Variants in NME7 observed in about 807,000 individuals in gnomAD.
The protein encoded by NME7 is nucleoside diphosphate kinase 7.
Under a neutral mutation model 49.1 loss-of-function variants are expected in NME7, and 41 were observed. That is an observed-to-expected ratio of 0.83 (90% confidence interval 0.65 to 1.08). The LOEUF (loss-of-function observed/expected upper bound fraction) is 1.08. Among genes scored for constraint, NME7 ranks in the 50% least tolerant of loss-of-function variants. NME7 has a pLI of 0.00. For missense variants in NME7, 423 were observed against 463.4 expected (o/e 0.91, Z 0.80); for synonymous variants, 139 against 150.6 (o/e 0.92, Z 0.56).
chr1:169,246,274 C>A (rs1194062342), intron 7 of NME7, among the ~76,000 whole-genome samples: 1 of 152,084 alleles, frequency 6.6e-6, no homozygotes, highest in African/African-American at 2.4e-5. Flanking sequence ...CAACTGCAAT[C>A]CAGCCTGGGT....
chr1:169,186,210 T>C (rs2101755388), intron 10 of NME7, among the ~76,000 whole-genome samples: 1 of 152,238 alleles, frequency 6.6e-6, no homozygotes, highest in South Asian at 2.1e-4. Flanking sequence ...TCTCTAATTG[T>C]TGCTTTTAAA....
chr1:169,143,157 C>T (rs10081959), intron 11 of NME7, among the ~76,000 whole-genome samples: 67,360 of 151,654 alleles, frequency 0.44, 15,387 homozygotes, highest in East Asian at 0.79. Context: ...ATTATGTCAA[C>T]GCCCATTCCC....
rs1441315518 is a variant in NME7, at chr1:169,275,779, T to A, written c.754+11524A>T. Among the ~76,000 whole-genome samples, 4 of 133,548 alleles carry A rather than the reference T, an allele frequency of 3.0e-5. 1 individual carries two copies. Among genetic ancestry groups the A allele is most frequent in the Non-Finnish European group, 7.0e-5 (4 of 56,954 alleles). The allele number at this position is 133,548 out of a possible 152,430, so 87.6% of individuals were successfully genotyped here. ...GTCCTGTGCCAGTTTTCAAATGGAA[T>A]GCTTCCAGTTTTTGCCCATTCAGTG... On this transcript the variant is annotated intron_variant, in intron 7 of 11. Transcript: ENST00000367811.
chr1:169,206,165 C>T lies in NME7; in HGVS notation c.990+24553G>A, dbSNP rs111988672. Reference sequence around the variant, plus strand: ...TATTATATATTTTACTTATTTATTCCGCTCCTGATCTGTTTCCCCCCAACT... The same window carrying T: ...TATTATATATTTTACTTATTTATTCTGCTCCTGATCTGTTTCCCCCCAACT... On this transcript the variant is annotated intron_variant, in intron 10 of 11. Coordinates refer to ENST00000367811, the MANE Select transcript of NME7 (RefSeq NM_013330.5). Among the ~76,000 whole-genome samples the T allele has an allele frequency of 5.5e-3, 840 of 152,138 alleles. 8 individuals are homozygous for T. The highest frequency in any genetic ancestry group is 0.019 in the African/African-American group (802 of 41,516).
chr1:169,312,485 T>C (rs1651435005), intron 3 of NME7, among the ~76,000 whole-genome samples: 1 of 152,222 alleles, frequency 6.6e-6, no homozygotes, highest in Non-Finnish European at 1.5e-5. Flanking sequence ...CAGCGTGAGA[T>C]ATTCTCAAAA....
chr1:169,266,371 C>T lies in NME7; in HGVS notation c.754+20932G>A, dbSNP rs546734043. Among the ~76,000 whole-genome samples the T allele has an allele frequency of 1.1e-3, 149 of 131,946 alleles. 34 individuals carry two copies. The highest frequency in any genetic ancestry group is 2.4e-3 in the Non-Finnish European group (134 of 55,898). The allele number at this position is 131,946 out of a possible 152,430, so 86.6% of individuals were successfully genotyped here. A position where few individuals can be genotyped will look rare whatever the true frequency, so the allele number is the denominator to read the frequency against. Reference sequence around the variant, plus strand: ...GAACTAAAGACAGGAACCACAGATGCAGAAAAAGCCTTTGATAAAATTCAG... The same window carrying T: ...GAACTAAAGACAGGAACCACAGATGTAGAAAAAGCCTTTGATAAAATTCAG... On this transcript the variant is annotated intron_variant, in intron 7 of 11. Transcript: ENST00000367811.
At chr1:169,303,227 A>C in intron 4 of NME7, 32 bp from the exon 5 acceptor site, 1 of 1,173,040 alleles carries the variant, frequency 8.5e-7, no homozygotes, top group Non-Finnish European at 1.2e-6. Flanking sequence ...AATAGTTAAG[A>C]ATTATAAAAT....
At chr1:169,158,806 A>C (rs913000003) in intron 11 of NME7, among the ~76,000 whole-genome samples, 5 of 152,084 alleles carry the variant, frequency 3.3e-5, no homozygotes, top group Admixed American at 3.3e-4. Context: ...CTAAGTTCTC[A>C]GGTGATGCAG....
intron 7 of NME7, among the ~76,000 whole-genome samples, chr1:169,277,975 G>T (rs1312894675): frequency 3.3e-5 from 5 of 149,872 alleles, no homozygotes; most frequent in Non-Finnish European, 5.9e-5. Flanking sequence ...TGAAATTCTG[G>T]GTTGAAAATT....
At chr1:169,177,661 C>T (rs1044779768) in intron 10 of NME7, among the ~76,000 whole-genome samples, 3 of 152,022 alleles carry the variant, frequency 2.0e-5, no homozygotes, top group Admixed American at 2.0e-4. Flanking sequence ...GTCCTGCATG[C>T]TCTGGCTCCT....
At chr1:169,180,426 G>A (rs1659892110) in intron 10 of NME7, among the ~76,000 whole-genome samples, 1 of 152,124 alleles carries the variant, frequency 6.6e-6, no homozygotes, top group Non-Finnish European at 1.5e-5. Context: ...TTGGTTCTAC[G>A]GACAGTCTCA....
chr1:169,169,306 G>A lies in NME7; in HGVS notation c.1098+141C>T, dbSNP rs1439669627. On this transcript the variant is annotated intron_variant, in intron 11 of 11. Coordinates refer to ENST00000367811, the MANE Select transcript of NME7 (RefSeq NM_013330.5). ...ACCACCAGGGCACGTGTATACCTAT[G>A]TAACAAAACTGCACTCTCTGCACAT... 3 of 664,890 alleles carry A rather than the reference G, an allele frequency of 4.5e-6. No homozygotes were observed. The East Asian group carries it at 8.1e-5, about 18-fold the overall frequency. The allele number at this position is 664,890 out of a possible 1,614,324, so 41.2% of individuals were successfully genotyped here.
intron 7 of NME7, chr1:169,247,047 G>A (rs1352282141): frequency 2.2e-6 from 1 of 456,234 alleles, no homozygotes; most frequent in Admixed American, 2.3e-5. Context: ...AGAGTAGTCA[G>A]GGGTTCCTCC....
intron 9 of NME7, among the ~76,000 whole-genome samples, chr1:169,233,321 T>C (rs1647720559): frequency 6.6e-6 from 1 of 152,118 alleles, no homozygotes; most frequent in Non-Finnish European, 1.5e-5. Flanking sequence ...AAATAATTTT[T>C]TTCACCCTCT....
In NME7 at chr1:169,197,085, T is replaced by C. The variant is rs559127985; in HGVS notation, c.991-27531A>G. ...TCACTTCATGTTTTCATGATTCTGT[T>C]TTTTCATAGATAAAATGGAGTTACA... On this transcript the variant is annotated intron_variant, in intron 10 of 11. Transcript: ENST00000367811. Among the ~76,000 whole-genome samples the C allele has an allele frequency of 1.2e-4, 18 of 152,200 alleles. No individual in the cohort carries two copies. The East Asian group carries it at 3.5e-3, about 29-fold the overall frequency.
intron 10 of NME7, 63 bp from the exon 11 acceptor site, chr1:169,169,617 T>A: frequency 7.0e-7 from 1 of 1,423,754 alleles, no homozygotes; most frequent in Non-Finnish European, 9.9e-7. Flanking sequence ...AGAAAAACAC[T>A]AGCTATATGA....
At chr1:169,147,469 G>C (rs1488422261) in intron 11 of NME7, among the ~76,000 whole-genome samples, 2 of 152,190 alleles carry the variant, frequency 1.3e-5, no homozygotes, top group Non-Finnish European at 2.9e-5. Context: ...TGGCCCTGGG[G>C]AAGTTGCTTA....
chr1:169,327,543 T>G (rs550969865), intron 1 of NME7, among the ~76,000 whole-genome samples: 3 of 152,274 alleles, frequency 2.0e-5, no homozygotes, highest in African/African-American at 7.2e-5. Flanking sequence ...TATCTTAAAG[T>G]CTTAAGGTCT....
At chr1:169,355,249 T>TAATATATTG (rs1557837742) in intron 1 of NME7, among the ~76,000 whole-genome samples, 1 of 35,292 alleles carries the variant, frequency 2.8e-5, no homozygotes, top group African/African-American at 8.0e-5. Flanking sequence ...ATATTATATA[T>TAATATATTG]TATATCTATA....
Sources: allele counts gnomAD v4.1 joint callset (sites outside exome capture counted in the v4.1 genomes callset), GRCh38; gene constraint gnomAD v4.1.1; transcripts MANE v1.5; gene names NCBI Gene and HGNC (gene_info 2026-07-23, HGNC 2026-07-21).